ARPP21: variants seen among roughly 807,000 people sequenced by gnomAD.
ARPP21 encodes the protein cAMP-regulated phosphoprotein 21.
A neutral mutation model predicts 113.2 loss-of-function variants in ARPP21; 69 were observed. That is an observed-to-expected ratio of 0.61 (90% CI 0.50 to 0.74). The LOEUF (loss-of-function observed/expected upper bound fraction) is 0.74, where lower values mean the gene tolerates loss of function less well. Ranked by LOEUF, ARPP21 falls within the 30% of genes least tolerant of loss-of-function variation. The pLI, the probability that ARPP21 is intolerant of heterozygous loss-of-function variation, is 0.00. For synonymous variants in ARPP21, 368 were observed against 375.5 expected (o/e 0.98, Z 0.23); for missense variants, 1,070 against 1,037.4 (o/e 1.03, Z -0.43).
Position 35,789,179 on chromosome 3 carries a change from C to T in ARPP21, c.2138-3203C>T, listed in dbSNP as rs560179226. 5.3e-5 allele frequency among the ~76,000 whole-genome samples: 8 copies of T among 152,302 alleles called. No homozygotes were observed. The South Asian group carries it at 1.7e-3, about 32-fold the overall frequency. On this transcript the variant is annotated intron_variant, in intron 19 of 20. Coordinates refer to ENST00000684406, the MANE Select transcript of ARPP21 (RefSeq NM_001385562.1). ...ACAGCTAAGAATTGACAAACTGGAA[C>T]ACATTTCTCATTTGAATAGACAAGA...
intron 19 of ARPP21, among the ~76,000 whole-genome samples, chr3:35,762,578 T>C (rs775535629): frequency 6.6e-6 from 1 of 152,064 alleles, no homozygotes; most frequent in Non-Finnish European, 1.5e-5. Context: ...AAGGAAAACA[T>C]TCGTGACTAC....
intron 5 of ARPP21, chr3:35,685,342 T>G (rs1021094757): frequency 2.0e-6 from 2 of 985,280 alleles, no homozygotes; most frequent in Non-Finnish European, 2.4e-6. Context: ...TAGGAGAGAA[T>G]GAGAGCCTGC....
intron 1 of ARPP21, chr3:35,641,059 A>G (rs917560717): frequency 6.6e-6 from 1 of 152,208 alleles, no homozygotes; most frequent in Non-Finnish European, 1.5e-5. Flanking sequence ...TAGGGTAAGG[A>G]CAGAATCCAA....
At chr3:35,778,197 G>C (rs1274925870) in intron 19 of ARPP21, among the ~76,000 whole-genome samples, 2 of 152,190 alleles carry the variant, frequency 1.3e-5, no homozygotes, top group Admixed American at 6.5e-5. Context: ...CCCTGACATG[G>C]AAACATATTT....
chr3:35,682,074 G>A (rs1191712810), intron 3 of ARPP21, among the ~76,000 whole-genome samples, 194 bp downstream of exon 3: 1 of 151,658 alleles, frequency 6.6e-6, no homozygotes, highest in Non-Finnish European at 1.5e-5. Context: ...GTGTTTTGTG[G>A]GGAAAAAAGT....
At chr3:35,695,837 C>T (rs964722099) in intron 9 of ARPP21, among the ~76,000 whole-genome samples, 1 of 151,378 alleles carries the variant, frequency 6.6e-6, no homozygotes, top group Non-Finnish European at 1.5e-5. Context: ...TTCAGAGCCA[C>T]CTAATGAAAA....
In ARPP21 at chr3:35,667,967, AAGAAGAAGAAG is replaced by A. The variant is rs2075125995; in HGVS notation, c.-212-11818_-212-11808del. Among the ~76,000 whole-genome samples the A allele has an allele frequency of 1.9e-5, 2 of 107,462 alleles. 1 individual carries two copies. The highest frequency in any genetic ancestry group is 7.0e-5 in the African/African-American group (2 of 28,438). The allele number at this position is 107,462 out of a possible 152,430, so 70.5% of individuals were successfully genotyped here. ...AGAAGAAAAGAAGAAGAAGAAGAAGAAGAAGAAGAAGAAGAAGAAGAAGAAGAAGAAGAAGA... is the reference window on the plus strand; with the variant it reads ...AGAAGAAAAGAAGAAGAAGAAGAAGAAAGAAGAAGAAGAAGAAGAAGAAGA... On this transcript the variant is annotated intron_variant, in intron 1 of 20. Transcript: ENST00000684406.
At chr3:35,726,524 T>G (rs765165976) in intron 14 of ARPP21, among the ~76,000 whole-genome samples, 3 of 152,266 alleles carry the variant, frequency 2.0e-5, no homozygotes, top group Non-Finnish European at 4.4e-5. Flanking sequence ...TTTCCTTCCT[T>G]CCTTTAACCT....
chr3:35,670,694 A>C (rs528461589), intron 1 of ARPP21, among the ~76,000 whole-genome samples: 1 of 152,224 alleles, frequency 6.6e-6, no homozygotes, highest in Admixed American at 6.5e-5. Flanking sequence ...TTTAAGTGGG[A>C]AAGTACCTTC....
intron 19 of ARPP21, among the ~76,000 whole-genome samples, chr3:35,769,046 C>A (rs1315303647): frequency 6.6e-6 from 1 of 152,164 alleles, no homozygotes; most frequent in East Asian, 1.9e-4. Flanking sequence ...CTCTTCCTCT[C>A]TTTCTCTCTC....
At position 35,732,068 on chromosome 3, in the gene ARPP21, G is replaced by A. The variant is rs140178990; in HGVS notation, c.1459+2532G>A. Among the ~76,000 whole-genome samples the A allele has an allele frequency of 4.6e-5, 7 of 152,242 alleles. No homozygotes were observed. The East Asian group carries it at 1.2e-3, about 25-fold the overall frequency. On this transcript the variant is annotated intron_variant, in intron 15 of 20. Coordinates refer to ENST00000684406, the MANE Select transcript of ARPP21 (RefSeq NM_001385562.1). ...TATCTACTACCCATTATATATGTGG[G>A]ATGGATAATGGAGCAGTTTTTCAGC... is the stretch of plus-strand genomic sequence containing the variant.
At chr3:35,658,778 G>A (rs1706226612) in intron 1 of ARPP21, among the ~76,000 whole-genome samples, 1 of 152,082 alleles carries the variant, frequency 6.6e-6, no homozygotes, top group Non-Finnish European at 1.5e-5. Flanking sequence ...AGGCTCTGAT[G>A]TGTAAGGCTG....
intron 15 of ARPP21, among the ~76,000 whole-genome samples, chr3:35,735,879 C>T (rs953738629): frequency 6.6e-6 from 1 of 152,200 alleles, no homozygotes; most frequent in Non-Finnish European, 1.5e-5. Flanking sequence ...TGATGCTTCT[C>T]ATTATTTATC....
At chr3:35,745,915 G>A (rs1309395959) in intron 19 of ARPP21, among the ~76,000 whole-genome samples, 2 of 152,096 alleles carry the variant, frequency 1.3e-5, no homozygotes, top group Non-Finnish European at 2.9e-5. Flanking sequence ...ACCCTCCCAA[G>A]GTAAGATAAT....
intron 1 of ARPP21, among the ~76,000 whole-genome samples, chr3:35,673,468 T>C (rs2076816765): frequency 6.6e-6 from 1 of 151,960 alleles, no homozygotes; most frequent in Admixed American, 6.6e-5. Context: ...TTTTAAAAGG[T>C]TTGGGAGTGA....
At chr3:35,737,056 T>A in intron 15 of ARPP21, 122 bp from the exon 16 acceptor site, 2 of 623,248 alleles carry the variant, frequency 3.2e-6, no homozygotes, top group Non-Finnish European at 5.8e-6. Flanking sequence ...TTTTGGGGTC[T>A]TAGATTTCCA....
chr3:35,744,030 C>G (rs1220212144), intron 19 of ARPP21, 65 bp downstream of exon 19: 3 of 1,563,228 alleles, frequency 1.9e-6, no homozygotes, highest in South Asian at 1.1e-5. Context: ...ATCTTGTACT[C>G]TTTGGATGAG....
chr3:35,695,483 A>G (rs1367309403), intron 9 of ARPP21, among the ~76,000 whole-genome samples: 1 of 151,580 alleles, frequency 6.6e-6, no homozygotes, highest in Non-Finnish European at 1.5e-5. Context: ...TCAGAATCTC[A>G]GTCCTCTTAA....
In ARPP21 at chr3:35,658,288, C is replaced by T. The variant is rs73825893; in HGVS notation, c.-213+17890C>T. On this transcript the variant is annotated intron_variant, in intron 1 of 20. Transcript: ENST00000684406. ...GCAGGGAATTTTATCCTTTCTGAAC[C>T]GTTTTCTTTCTTTCTCTTTCTTTCT... 5.5e-3 allele frequency among the ~76,000 whole-genome samples: 839 copies of T among 152,032 alleles called. 10 individuals carry two copies. Among genetic ancestry groups the T allele is most frequent in the African/African-American group, 0.018 (758 of 41,468 alleles).
Sources: allele counts gnomAD v4.1 joint callset (sites outside exome capture counted in the v4.1 genomes callset), GRCh38; gene constraint gnomAD v4.1.1; transcripts MANE v1.5; gene names NCBI Gene and HGNC (gene_info 2026-07-23, HGNC 2026-07-21).